Variants in ECM2 observed in about 807,000 individuals in gnomAD.
ECM2 encodes extracellular matrix protein 2.
Under a neutral mutation model 67.5 loss-of-function variants are expected in ECM2, and 57 were observed. The observed-to-expected ratio is 0.84, with a 90% CI of 0.68 to 1.05. The LOEUF (loss-of-function observed/expected upper bound fraction) is 1.05, where lower values mean the gene tolerates loss of function less well. Among genes scored for constraint, ECM2 ranks in the 50% least tolerant of loss-of-function variants. The pLI, the probability that ECM2 is intolerant of heterozygous loss-of-function variation, is 0.00. For missense variants in ECM2, 741 were observed against 822.8 expected, an observed-to-expected ratio of 0.90 and a Z score of 1.22; for synonymous variants, 258 against 294.5, an observed-to-expected ratio of 0.88 and a Z score of 1.27.
rs776800180 is a variant in ECM2, at chr9:92,515,049, T to C, written c.636A>G (p.Gln212=). ...MDRIVRKEAL[Q]SEEDEEVKEE... Reference sequence around the variant, plus strand: ...CTTTCACTTCTTCATCCTCCTCAGATTGAAGTGCTTCTTTTCTTACTATTC... The same window carrying C: ...CTTTCACTTCTTCATCCTCCTCAGACTGAAGTGCTTCTTTTCTTACTATTC... Residue 212 remains glutamine (Q), a synonymous_variant, in exon 4 of 10, where the codon CAA becomes CAG. Transcript: ENST00000344604. The C allele has an allele frequency of 2.5e-6, 4 of 1,614,154 alleles. No individual in the cohort carries two copies. The highest frequency in any genetic ancestry group is 1.7e-5 in the Admixed American group (1 of 60,016).
At chr9:92,536,173 A>AT (rs1027838347), upstream of ECM2, 15 of 340,140 alleles carry the variant, frequency 4.4e-5, no homozygotes, top group South Asian at 1.7e-4. Context: ...CAAGGGAAAT[A>AT]TTTTTTTTAA....
chr9:92,505,589 G>C lies in ECM2; in HGVS notation c.1408C>G (p.Arg470Gly). ...FKPLKSLAYLRLGKNKFRIIP... is the reference protein window; with the variant it reads ...FKPLKSLAYLGLGKNKFRIIP... ...ATTCTAAATTTATTTTTTCCCAGAC[G>C]CAAGTAGGCTAGGCTCTTCAAAGGT... Residue 470 changes from arginine to glycine, a missense_variant, in exon 7 of 10, where the codon CGT becomes GGT. By Grantham distance (125) the Arg-to-Gly change is moderately radical. Coordinates refer to ENST00000344604, the MANE Select transcript of ECM2 (RefSeq NM_001393.4). The C allele has an allele frequency of 6.2e-7, 1 of 1,608,764 alleles. No individual in the cohort carries two copies. The highest frequency in any genetic ancestry group is 8.5e-7 in the Non-Finnish European group (1 of 1,178,656).
rs968040 is a variant in ECM2 at position 92,517,703 on chromosome 9, C to T, written c.465G>A (p.Pro155=). 72 of 1,613,694 alleles carry T rather than the reference C, an allele frequency of 4.5e-5. No individual in the cohort carries two copies. In the Admixed American group the frequency reaches 6.2e-4, roughly 14 times the overall value. The change falls in exon 3 of 10, where the codon CCG becomes CCA. Residue 155 remains proline, a synonymous_variant. Transcript: ENST00000344604. The stretch of plus-strand genomic sequence containing the variant: ...TCTCTGTACCAGTAGCGGAGCAGAC[C>T]GGGCAGCATTCCCCTTCAGGTATAA... ...QTVIPEGECC[P]VCSATVSYSL... is the part of the protein sequence containing the mutation.
chr9:92,494,985 A>G (rs1846283178), downstream of ECM2, among the ~76,000 whole-genome samples: 2 of 152,172 alleles, frequency 1.3e-5, no homozygotes, highest in South Asian at 4.1e-4. Context: ...TGAAATTGTC[A>G]ATTGTGGTTG....
chr9:92,508,329 A>G (rs1376563847), intron 6 of ECM2, among the ~76,000 whole-genome samples: 1 of 152,214 alleles, frequency 6.6e-6, no homozygotes, highest in Admixed American at 6.5e-5. Flanking sequence ...CTGTGGAGAA[A>G]GGTGGGCTAA....
intron 3 of ECM2, among the ~76,000 whole-genome samples, chr9:92,516,508 A>G (rs559245638): frequency 3.2e-4 from 48 of 152,260 alleles, no homozygotes; most frequent in Non-Finnish European, 5.4e-4. Context: ...TCAATTCAGT[A>G]TGTATTATAA....
At chr9:92,543,401 G>A in the ECM2 span, among the ~76,000 whole-genome samples, 2 of 149,178 alleles carry the variant, frequency 1.3e-5, no homozygotes, top group Non-Finnish European at 3.0e-5. Context: ...GAACCTGGGA[G>A]GTGGAGGTTG....
At chr9:92,501,608 A>G (rs1256764655) in intron 8 of ECM2, among the ~76,000 whole-genome samples, 1 of 152,020 alleles carries the variant, frequency 6.6e-6, no homozygotes, top group Non-Finnish European at 1.5e-5. Flanking sequence ...AACGTGGTGA[A>G]CTCACTGGCT....
At chr9:92,503,787 T>G (rs1286925785) in intron 7 of ECM2, among the ~76,000 whole-genome samples, 1 of 152,240 alleles carries the variant, frequency 6.6e-6, no homozygotes, top group East Asian at 1.9e-4. Flanking sequence ...TACCTGCATA[T>G]GTATTTAGGA....
the ECM2 span, among the ~76,000 whole-genome samples, chr9:92,546,409 C>G: frequency 2.0e-5 from 3 of 152,202 alleles, no homozygotes; most frequent in Admixed American, 1.3e-4. Flanking sequence ...TTTGGGTCCA[C>G]GCTGACTTTA....
chr9:92,547,108 G>T, the ECM2 span, among the ~76,000 whole-genome samples: 1 of 152,010 alleles, frequency 6.6e-6, no homozygotes, highest in Non-Finnish European at 1.5e-5. Flanking sequence ...AAGAACTAGC[G>T]GCGTAAGTGT....
rs148331892 is a variant in ECM2 at position 92,525,065 on chromosome 9, C to A, written c.-27-2172G>T. On this transcript the variant is annotated intron_variant, in intron 1 of 9. Coordinates refer to ENST00000344604, the MANE Select transcript of ECM2 (RefSeq NM_001393.4). ...TGTGGCTCATGCCTGTAATCCCAGC[C>A]CTATAGGAGGCCGAAACCAAGGTGG... Among the ~76,000 whole-genome samples, 11 of 152,186 alleles carry A rather than the reference C, an allele frequency of 7.2e-5. 1 individual carries two copies. The East Asian group carries it at 2.1e-3, about 29-fold the overall frequency.
chr9:92,518,311 G>T (rs974040345), intron 2 of ECM2, among the ~76,000 whole-genome samples: 2 of 152,166 alleles, frequency 1.3e-5, no homozygotes, highest in Non-Finnish European at 2.9e-5. Context: ...GAAATGTGAG[G>T]TTACAAATCA....
chr9:92,522,954 T>A, intron 1 of ECM2, 61 bp from the exon 2 acceptor site: 3 of 1,456,254 alleles, frequency 2.1e-6, no homozygotes, highest in Non-Finnish European at 2.7e-6. Context: ...GAAAATTGGC[T>A]TATATATTTG....
chr9:92,509,491 G>T (rs1412692366), intron 6 of ECM2, among the ~76,000 whole-genome samples: 1 of 152,198 alleles, frequency 6.6e-6, no homozygotes, highest in South Asian at 2.1e-4. Context: ...GACCATCAGA[G>T]TGATAAAGGA....
In ECM2 at chr9:92,496,114, T is replaced by C; in HGVS notation, c.*201A>G. The C allele has an allele frequency of 2.5e-6, 3 of 1,207,754 alleles. No individual in the cohort carries two copies. The highest frequency in any genetic ancestry group is 3.1e-6 in the Non-Finnish European group (3 of 973,278). The allele number at this position is 1,207,754 out of a possible 1,614,324, so 74.8% of individuals were successfully genotyped here. A position where few individuals can be genotyped will look rare whatever the true frequency, so the allele number is the denominator to read the frequency against. ...CTAGAGGTAGGAAACTGAGAGATTT[T>C]ACCTTTACTATTAATAAAACTCCTA... On this transcript the variant is annotated 3_prime_UTR_variant, in exon 10 of 10. Coordinates refer to ENST00000344604, the MANE Select transcript of ECM2 (RefSeq NM_001393.4).
At chr9:92,557,850 G>A in the ECM2 span, among the ~76,000 whole-genome samples, 3 of 151,978 alleles carry the variant, frequency 2.0e-5, no homozygotes, top group Non-Finnish European at 4.4e-5. Flanking sequence ...TCAACATGTT[G>A]GCCAGGATGG....
intron 1 of ECM2, among the ~76,000 whole-genome samples, chr9:92,531,353 A>G (rs1351726210): frequency 1.3e-5 from 2 of 152,260 alleles, no homozygotes; most frequent in East Asian, 1.9e-4. Flanking sequence ...CTCTTCCTGG[A>G]CAATACAAGA....
Position 92,496,320 on chromosome 9 carries a change from T to C in ECM2, c.2095A>G (p.Lys699Glu). ...SSIVLKPQNI[K>E] is the part of the protein sequence containing the mutation. ...CAGCAAAGGAAAACTTGGAATTACT[T>C]GATGTTTTGTGGTTTAAGAACGATA... Residue 699 changes from lysine (K) to glutamate (E), a missense_variant, in exon 10 of 10, where the codon AAG becomes GAG. Lys to Glu is a moderately conservative substitution (Grantham distance 56). Coordinates refer to ENST00000344604, the MANE Select transcript of ECM2 (RefSeq NM_001393.4). The C allele has an allele frequency of 1.3e-6, 2 of 1,575,646 alleles. No homozygotes were observed. The highest frequency in any genetic ancestry group is 4.6e-5 in the East Asian group (2 of 43,692).
Sources: allele counts gnomAD v4.1 joint callset (sites outside exome capture counted in the v4.1 genomes callset), GRCh38; gene constraint gnomAD v4.1.1; transcripts MANE v1.5; gene names NCBI Gene and HGNC (gene_info 2026-07-23, HGNC 2026-07-21).